ANOS1: variants seen among roughly 807,000 people sequenced by gnomAD.
The protein encoded by ANOS1 is anosmin-1.
A neutral mutation model predicts 59.0 loss-of-function variants in ANOS1; 6 were observed. The observed-to-expected ratio is 0.10, with a 90% CI of 0.06 to 0.20. The LOEUF (loss-of-function observed/expected upper bound fraction) is 0.20. Among genes scored for constraint, ANOS1 ranks in the 10% least tolerant of loss-of-function variants. The pLI is 1.00. For missense variants in ANOS1, 433 were observed against 542.3 expected (o/e 0.80, Z 2.00); for synonymous variants, 217 against 223.4 (o/e 0.97, Z 0.25).
intron 1 of ANOS1, among the ~76,000 whole-genome samples, chrX:8,720,782 C>T (rs1418172338): frequency 1.8e-5 from 2 of 110,812 alleles, no homozygotes; most frequent in Non-Finnish European, 3.8e-5. Context: ...AAAAAGTAGC[C>T]AGGTACGGGG....
intron 1 of ANOS1, among the ~76,000 whole-genome samples, chrX:8,725,505 TAATATTATATACA>T (rs1205170160): frequency 7.5e-5 from 7 of 93,219 alleles, no homozygotes; most frequent in African/African-American, 2.7e-4. Context: ...TGTGGATAAA[TAATATTATATACA>T]GATATATATA....
intron 2 of ANOS1, among the ~76,000 whole-genome samples, chrX:8,687,994 TTTC>T (rs1932549749): frequency 8.9e-6 from 1 of 111,928 alleles, no homozygotes; most frequent in African/African-American, 3.2e-5. Context: ...CAAATTAGGT[TTTC>T]TAAGAGGAAC....
chrX:8,606,619 G>A (rs776324554), intron 3 of ANOS1, among the ~76,000 whole-genome samples: 1 of 112,259 alleles, frequency 8.9e-6, no homozygotes, highest in Non-Finnish European at 1.9e-5. Flanking sequence ...TGAAACTAGT[G>A]TGCACAGAGC....
chrX:8,533,087 T>C, intron 13 of ANOS1, 34 bp from the exon 14 acceptor site: 1 of 842,058 alleles, frequency 1.2e-6, no homozygotes, highest in Non-Finnish European at 1.8e-6. Context: ...GTCACATCCA[T>C]TTGTATGTAT....
At chrX:8,610,034 AACAAC>A (rs777420718) in intron 3 of ANOS1, among the ~76,000 whole-genome samples, 16,918 of 75,044 alleles carry the variant, frequency 0.23, 2,946 homozygotes, top group Non-Finnish European at 0.26. Context: ...AAAAAAAAAA[AACAAC>A]AACCTTTAAA....
intron 1 of ANOS1, among the ~76,000 whole-genome samples, chrX:8,712,065 T>G (rs1317915768): frequency 8.9e-6 from 1 of 112,403 alleles, no homozygotes; most frequent in Non-Finnish European, 1.9e-5. Context: ...CCCAGGGGGC[T>G]GAAAGAGCAG....
At chrX:8,685,603 A>AG (rs1932502831) in intron 2 of ANOS1, among the ~76,000 whole-genome samples, 1 of 63,872 alleles carries the variant, frequency 1.6e-5, no homozygotes, top group African/African-American at 8.2e-5. Context: ...AAAGGAAGAA[A>AG]GAAAGAAAGA....
At chrX:8,579,050 C>T (rs144684290) in intron 6 of ANOS1, among the ~76,000 whole-genome samples, 13 of 112,184 alleles carry the variant, frequency 1.2e-4, no homozygotes, top group African/African-American at 4.2e-4. Context: ...CCTAAGCATG[C>T]AATATTCTGT....
chrX:8,585,105 A>T (rs945304324), intron 6 of ANOS1, among the ~76,000 whole-genome samples, 162 bp downstream of exon 6: 1 of 112,249 alleles, frequency 8.9e-6, no homozygotes, highest in African/African-American at 3.2e-5. Context: ...TTAGCCATAA[A>T]TGTACATGGT....
At chrX:8,649,537 C>G (rs767783723) in intron 2 of ANOS1, among the ~76,000 whole-genome samples, 26 of 111,969 alleles carry the variant, frequency 2.3e-4, no homozygotes, top group Non-Finnish European at 3.6e-4. Flanking sequence ...TGTTGCCATA[C>G]GCCTTATTAT....
At chrX:8,695,276 C>T (rs1932667657) in intron 2 of ANOS1, among the ~76,000 whole-genome samples, 1 of 112,049 alleles carries the variant, frequency 8.9e-6, no homozygotes, top group African/African-American at 3.2e-5. Flanking sequence ...CATGCCACTG[C>T]ACTCCAGCTT....
At chrX:8,728,944 A>G (rs1932944294) in intron 1 of ANOS1, among the ~76,000 whole-genome samples, 1 of 111,859 alleles carries the variant, frequency 8.9e-6, no homozygotes, top group African/African-American at 3.3e-5. Context: ...AGGTGTGCAC[A>G]TCTACCCACT....
intron 8 of ANOS1, among the ~76,000 whole-genome samples, chrX:8,557,872 C>T (rs1209824455): frequency 8.9e-6 from 1 of 111,882 alleles, no homozygotes; most frequent in Non-Finnish European, 1.9e-5. Flanking sequence ...AACACATGCA[C>T]ACATATGTTT....
rs137852517 is a variant in ANOS1 at position 8,568,252 on chromosome X, G to A, written c.1187C>T (p.Ser396Leu). 290 of 1,208,393 alleles carry A rather than the reference G, an allele frequency of 2.4e-4. No homozygotes were observed. The highest frequency in any genetic ancestry group is 8.3e-4 in the Admixed American group (38 of 45,639). ...CTTACTGTTGTTGGTTGCATGTGTC[G>A]ATGTGAAGTGAAGGGACACCTTTGC... ...KSAKVSLHFTSTHATNNKEQL... is the reference protein window; with the variant it reads ...KSAKVSLHFTLTHATNNKEQL... Residue 396 changes from serine to leucine, a missense_variant, in exon 8 of 14, where the codon TCG (serine) becomes TTG (leucine). Coordinates refer to ENST00000262648, the MANE Select transcript of ANOS1 (RefSeq NM_000216.4).
At chrX:8,681,204 G>A (rs1932420262) in intron 2 of ANOS1, among the ~76,000 whole-genome samples, 1 of 111,556 alleles carries the variant, frequency 9.0e-6, no homozygotes, top group Non-Finnish European at 1.9e-5. Flanking sequence ...TGAAGTCCCT[G>A]TGCATGTGAA....
At chrX:8,645,316 G>C (rs1212003028) in intron 2 of ANOS1, among the ~76,000 whole-genome samples, 1 of 111,739 alleles carries the variant, frequency 8.9e-6, no homozygotes, top group Non-Finnish European at 1.9e-5. Context: ...GCAGAAAGAG[G>C]AACCAAAGAG....
Position 8,614,595 on chromosome X carries a change from C to T in ANOS1, c.318+9013G>A, listed in dbSNP as rs151005780. Among the ~76,000 whole-genome samples, 413 of 111,187 alleles carry T rather than the reference C, an allele frequency of 3.7e-3. 2 individuals are homozygous for T. The highest frequency in any genetic ancestry group is 0.013 in the African/African-American group (399 of 30,682). On this transcript the variant is annotated intron_variant, in intron 3 of 13. Transcript: ENST00000262648. ...TCTTCCTCTTTTATAATAAAAGTAG[C>T]TAATATATATGTAATGTGTGTTATC...
chrX:8,541,231 C>T (rs1273856385), intron 9 of ANOS1, among the ~76,000 whole-genome samples: 1 of 105,966 alleles, frequency 9.4e-6, no homozygotes, highest in Non-Finnish European at 1.9e-5. Context: ...GGTGAAACCC[C>T]CTCTCTACTA....
At chrX:8,638,937 A>G (rs1227012695) in intron 2 of ANOS1, among the ~76,000 whole-genome samples, 1 of 111,445 alleles carries the variant, frequency 9.0e-6, no homozygotes, top group Non-Finnish European at 1.9e-5. Flanking sequence ...TAGAACAAAG[A>G]AAAGAAAATG....
Sources: allele counts gnomAD v4.1 joint callset (sites outside exome capture counted in the v4.1 genomes callset), GRCh38; gene constraint gnomAD v4.1.1; transcripts MANE v1.5; gene names NCBI Gene and HGNC (gene_info 2026-07-23, HGNC 2026-07-21).